HIPK1: variants seen among roughly 807,000 people sequenced by gnomAD.
HIPK1 encodes the protein homeodomain-interacting protein kinase 1.
A neutral mutation model predicts 117.1 loss-of-function variants in HIPK1; 28 were observed. That is an observed-to-expected ratio of 0.24 (90% CI 0.18 to 0.33). HIPK1 has a LOEUF of 0.33. Ranked by LOEUF, HIPK1 falls within the 10% of genes least tolerant of loss-of-function variation. The pLI is 1.00. For missense variants in HIPK1, 1,122 were observed against 1,475.1 expected, an observed-to-expected ratio of 0.76 and a Z score of 3.92; for synonymous variants, 605 against 562.5, an observed-to-expected ratio of 1.08 and a Z score of -1.07.
At chr1:113,931,185 G>A (rs77623428) in intron 1 of HIPK1, among the ~76,000 whole-genome samples, 5 of 74,736 alleles carry the variant, frequency 6.7e-5, no homozygotes, top group East Asian at 3.5e-4. Flanking sequence ...TTTTTTTTTT[G>A]TAAGATTATA....
In HIPK1 at chr1:113,967,892, A is replaced by G; in HGVS notation, c.2508A>G (p.Gln836=). The change falls in exon 12 of 16, where the codon CAA becomes CAG. Residue 836 remains glutamine, a synonymous_variant. Transcript: ENST00000426820. The part of the protein sequence containing the change: ...NVGVAHVVRQ[Q]QSSSLPSKKN... The stretch of plus-strand genomic sequence containing the variant: ...GTGTTGCCCATGTTGTCAGACAACA[A>G]CAATCCAGTTCCCTCCCTTCGAAGA... The G allele has an allele frequency of 6.2e-7, 1 of 1,612,140 alleles. No individual in the cohort carries two copies. The highest frequency in any genetic ancestry group is 8.5e-7 in the Non-Finnish European group (1 of 1,179,560).
chr1:113,947,756 G>A (rs1189179930), intron 2 of HIPK1, among the ~76,000 whole-genome samples: 1 of 152,190 alleles, frequency 6.6e-6, no homozygotes, highest in Non-Finnish European at 1.5e-5. Context: ...AGCCTGTTTA[G>A]TATTTGTTTT....
chr1:113,966,017 A>G, intron 10 of HIPK1, 113 bp from the exon 11 acceptor site: 2 of 1,029,978 alleles, frequency 1.9e-6, no homozygotes, highest in Admixed American at 2.6e-5. Context: ...CTGCAAGTTA[A>G]CAATCTACAA....
chr1:113,974,264 GA>G lies in HIPK1; in HGVS notation c.*756del. 6.5e-6 allele frequency: 1 copy of G among 152,804 alleles called. No individual in the cohort carries two copies. The highest frequency in any genetic ancestry group is 1.9e-4 in the East Asian group (1 of 5,332). 9.5% of individuals were successfully genotyped at this position (152,804 alleles called of 1,614,324 possible). A position where few individuals can be genotyped will look rare whatever the true frequency, so the allele number is the denominator to read the frequency against. Reference sequence around the variant, plus strand: ...AATGTGAGAGAATCCATATCTGCGTGAAAACACCAAGTATTCTTTTTAAATG... The same window carrying G: ...AATGTGAGAGAATCCATATCTGCGTGAAACACCAAGTATTCTTTTTAAATG... On this transcript the variant is annotated 3_prime_UTR_variant, in exon 16 of 16. Transcript: ENST00000426820.
At position 113,941,106 on chromosome 1, in the gene HIPK1, A is replaced by C; in HGVS notation, c.723A>C (p.Leu241=). The change falls in exon 2 of 16, where the codon CTA becomes CTC. Residue 241 remains leucine (L), a synonymous_variant. Transcript: ENST00000426820. This position sits in a 1 kb window ranked among gnomAD's most constrained non-coding sequence, Gnocchi z 4.9. The part of the protein sequence containing the change: ...GQIEVSILSR[L]SSENADEYNF... Reference sequence around the variant, plus strand: ...TTGAAGTGAGCATCCTTTCCCGCCTAAGCAGTGAAAATGCTGATGAGTATA... The same window carrying C: ...TTGAAGTGAGCATCCTTTCCCGCCTCAGCAGTGAAAATGCTGATGAGTATA... 1 of 1,614,242 alleles carries C rather than the reference A, an allele frequency of 6.2e-7. No homozygotes were observed. The highest frequency in any genetic ancestry group is 8.5e-7 in the Non-Finnish European group (1 of 1,180,032).
At chr1:113,960,246 A>G (rs565077464) in intron 8 of HIPK1, among the ~76,000 whole-genome samples, 11 of 152,342 alleles carry the variant, frequency 7.2e-5, no homozygotes, top group Admixed American at 1.3e-4. Flanking sequence ...ACTATGTTCA[A>G]TAAAACAAAA....
chr1:113,972,552 G>A (rs1672908902), intron 15 of HIPK1, among the ~76,000 whole-genome samples: 1 of 152,170 alleles, frequency 6.6e-6, no homozygotes, highest in Non-Finnish European at 1.5e-5. Flanking sequence ...TCAGTATGAG[G>A]GTATGTGAGA....
chr1:113,947,374 G>C (rs1200112525), intron 2 of HIPK1, among the ~76,000 whole-genome samples: 1 of 152,102 alleles, frequency 6.6e-6, no homozygotes, highest in Non-Finnish European at 1.5e-5. Flanking sequence ...TGTTACTTAC[G>C]GAAGGAAAAG....
chr1:113,948,364 A>T (rs1428287697), intron 2 of HIPK1, among the ~76,000 whole-genome samples: 8 of 151,878 alleles, frequency 5.3e-5, no homozygotes, highest in Non-Finnish European at 1.0e-4. Flanking sequence ...TGATCCTTCC[A>T]CCTCAGCTTC....
rs1670575902 is a variant in HIPK1, at chr1:113,940,498, A to T, written c.115A>T (p.Asn39Tyr). Residue 39 changes from asparagine (N) to tyrosine (Y), a missense_variant, in exon 2 of 16, where the codon AAC (asparagine) becomes TAC (tyrosine). Physicochemically the swap from Asn to Tyr is moderately radical, Grantham distance 143. Coordinates refer to ENST00000426820, the MANE Select transcript of HIPK1 (RefSeq NM_198268.3). ...CTGGGATGTTTCAGGACAGAGTAGCAACGACAAATATTATACCCACAGCAA... is the reference window on the plus strand; with the variant it reads ...CTGGGATGTTTCAGGACAGAGTAGCTACGACAAATATTATACCCACAGCAA... ...SGWDVSGQSS[N>Y]DKYYTHSKTL... 6.2e-7 allele frequency: 1 copy of T among 1,614,054 alleles called. No homozygotes were observed. Among genetic ancestry groups the T allele is most frequent in the African/African-American group, 1.3e-5 (1 of 74,912 alleles).
chr1:113,934,027 A>G (rs959508044), intron 1 of HIPK1, among the ~76,000 whole-genome samples: 1 of 152,220 alleles, frequency 6.6e-6, no homozygotes, highest in South Asian at 2.1e-4. Context: ...TTTTTACAGA[A>G]GATGTACTCT....
chr1:113,940,908 C>T lies in HIPK1; in HGVS notation c.525C>T (p.Tyr175=), dbSNP rs1188112831. Residue 175 remains tyrosine (Y), a synonymous_variant, in exon 2 of 16, where the codon TAC becomes TAT. Transcript: ENST00000426820. ...GCAGTTCCAGCGGAGAAGGGGATTA[C>T]CAGCTGGTCCAGCATGAGATCCTTT... ...KSSSSSGEGD[Y]QLVQHEILCS... is the part of the protein sequence containing the mutation. The T allele has an allele frequency of 3.1e-6, 5 of 1,614,026 alleles. No individual in the cohort carries two copies. Among genetic ancestry groups the T allele is most frequent in the Non-Finnish European group, 4.2e-6 (5 of 1,180,036 alleles).
rs1429869789 is a variant in HIPK1 at position 113,977,180 on chromosome 1, GGAAAT to G, written c.*3674_*3678del. The stretch of plus-strand genomic sequence containing the variant: ...AGTTGAGATGGTTTGTTTTAGGATA[GGAAAT>G]GAAATTGCCTCTCAGTGACAGGAGT... On this transcript the variant is annotated 3_prime_UTR_variant, in exon 16 of 16. Transcript: ENST00000426820. The G allele has an allele frequency of 6.6e-6, 1 of 150,398 alleles. No individual in the cohort carries two copies. Among genetic ancestry groups the G allele is most frequent in the East Asian group, 1.9e-4 (1 of 5,290 alleles). 9.3% of individuals were successfully genotyped at this position (150,398 alleles called of 1,614,324 possible). A position where few individuals can be genotyped will look rare whatever the true frequency, so the allele number is the denominator to read the frequency against.
intron 2 of HIPK1, among the ~76,000 whole-genome samples, chr1:113,947,980 A>G (rs1209066203): frequency 2.0e-5 from 3 of 152,222 alleles, no homozygotes; most frequent in Non-Finnish European, 4.4e-5. Context: ...TCCTTATTAC[A>G]CAAATGAGGT....
chr1:113,966,162 C>T lies in HIPK1; in HGVS notation c.2271C>T (p.Leu757=). ...QAWPGGTQQI[L]LPSTWQQLPG... The stretch of plus-strand genomic sequence containing the variant: ...GGCCTGGAGGGACTCAGCAAATTCT[C>T]CTGCCTTCAACTTGGCAACAGTTGC... The change falls in exon 11 of 16, where the codon CTC becomes CTT. Residue 757 remains leucine, a synonymous_variant. Coordinates refer to ENST00000426820, the MANE Select transcript of HIPK1 (RefSeq NM_198268.3). 6.2e-7 allele frequency: 1 copy of T among 1,614,036 alleles called. No homozygotes were observed. Among genetic ancestry groups the T allele is most frequent in the South Asian group, 1.1e-5 (1 of 91,038 alleles).
In HIPK1 at chr1:113,967,849, C is replaced by T. The variant is rs199793256; in HGVS notation, c.2465C>T (p.Ala822Val). Residue 822 changes from alanine to valine, a missense_variant, in exon 12 of 16, where the codon GCT (alanine) becomes GTT (valine). Transcript: ENST00000426820. ...LLTNHVTLAT[A>V]QPLNVGVAHV... ...ACTAACCATGTGACATTGGCCACTGCTCAGCCTCTGAATGTTGGTGTTGCC... is the reference window on the plus strand; with the variant it reads ...ACTAACCATGTGACATTGGCCACTGTTCAGCCTCTGAATGTTGGTGTTGCC... 1 of 1,612,848 alleles carries T rather than the reference C, an allele frequency of 6.2e-7. No individual in the cohort carries two copies. The highest frequency in any genetic ancestry group is 8.5e-7 in the Non-Finnish European group (1 of 1,179,748).
In HIPK1 at chr1:113,968,597, C is replaced by T; in HGVS notation, c.2720C>T (p.Thr907Ile). 6.2e-7 allele frequency: 1 copy of T among 1,614,140 alleles called. No homozygotes were observed. Among genetic ancestry groups the T allele is most frequent in the South Asian group, 1.1e-5 (1 of 91,086 alleles). The change falls in exon 13 of 16, where the codon ACT becomes ATT. Residue 907 changes from threonine (T) to isoleucine (I), a missense_variant. Coordinates refer to ENST00000426820, the MANE Select transcript of HIPK1 (RefSeq NM_198268.3). ...CCCAGCCCTCCTGTGAGTGTCATCACTATCCGAAGTGACACTGATGAGGAA... is the reference window on the plus strand; with the variant it reads ...CCCAGCCCTCCTGTGAGTGTCATCATTATCCGAAGTGACACTGATGAGGAA... ...DTPSPPVSVI[T>I]IRSDTDEEED...
In HIPK1 at chr1:113,966,162, C is replaced by G; in HGVS notation, c.2271C>G (p.Leu757=). The G allele has an allele frequency of 1.2e-6, 2 of 1,614,036 alleles. No homozygotes were observed. The highest frequency in any genetic ancestry group is 1.1e-5 in the South Asian group (1 of 91,038). The part of the protein sequence containing the change: ...QAWPGGTQQI[L]LPSTWQQLPG... ...GGCCTGGAGGGACTCAGCAAATTCT[C>G]CTGCCTTCAACTTGGCAACAGTTGC... The change falls in exon 11 of 16, where the codon CTC becomes CTG. Residue 757 remains leucine, a synonymous_variant. Coordinates refer to ENST00000426820, the MANE Select transcript of HIPK1 (RefSeq NM_198268.3).
In HIPK1 at chr1:113,941,949, G is replaced by A. The variant is rs1361283412; in HGVS notation, c.1076+490G>A. On this transcript the variant is annotated intron_variant, in intron 2 of 15. Transcript: ENST00000426820. This position sits in a 1 kb window ranked among gnomAD's most constrained non-coding sequence, Gnocchi z 4.9. ...TAATTTTTTTTGTATTTTTAGTAGA[G>A]ACGGGGTTTCACCGTGTTAGCCAGG... Among the ~76,000 whole-genome samples the A allele has an allele frequency of 6.6e-6, 1 of 151,748 alleles. No homozygotes were observed. The highest frequency in any genetic ancestry group is 2.4e-5 in the African/African-American group (1 of 41,246).
Sources: gnomAD v4.1 joint callset for allele counts (sites outside exome capture counted in the v4.1 genomes callset) on GRCh38, gnomAD v4.1.1 for gene constraint, Gnocchi (gnomAD v3.1) non-coding constraint, MANE v1.5 for transcripts, NCBI Gene and HGNC (gene_info 2026-07-23, HGNC 2026-07-21) for gene names.